The following EYS variants were observed in gnomAD, a reference collection of about 807,000 sequenced individuals.
The protein encoded by EYS is protein eyes shut homolog.
A neutral mutation model predicts 282.1 loss-of-function variants in EYS; 250 were observed. The ratio of observed to expected loss-of-function variants is 0.89; its 90% CI spans 0.80 to 0.98. The LOEUF is 0.98. Among genes scored for constraint, EYS ranks in the 50% least tolerant of loss-of-function variants. The pLI is 0.00. For synonymous variants in EYS, 1,355 were observed against 1,282.9 expected (o/e 1.06, Z -1.20); for missense variants, 4,016 against 3,709.0 (o/e 1.08, Z -2.15).
intron 12 of EYS, among the ~76,000 whole-genome samples, chr6:65,283,267 G>GTA (rs1224857598): frequency 6.6e-6 from 1 of 151,554 alleles, no homozygotes; most frequent in Non-Finnish European, 1.5e-5. Context: ...GTCTCATTCT[G>GTA]TAATAATTTT....
intron 29 of EYS, among the ~76,000 whole-genome samples, chr6:64,311,874 C>T (rs547923328): frequency 2.4e-4 from 36 of 152,134 alleles, no homozygotes; most frequent in African/African-American, 7.5e-4. Context: ...TCTTCACAAC[C>T]GGCAGACCAG....
chr6:64,852,166 A>T (rs2150042462), intron 19 of EYS, among the ~76,000 whole-genome samples: 1 of 152,096 alleles, frequency 6.6e-6, no homozygotes, highest in South Asian at 2.1e-4. Context: ...CTGAGTGTCA[A>T]CTTGATTGGA....
At chr6:64,353,383 C>A (rs1346637860) in intron 29 of EYS, among the ~76,000 whole-genome samples, 1 of 151,530 alleles carries the variant, frequency 6.6e-6, no homozygotes, top group African/African-American at 2.4e-5. Flanking sequence ...AAATTTATTT[C>A]TCCATCATTA....
chr6:64,565,958 A>T, intron 26 of EYS, among the ~76,000 whole-genome samples: 1 of 142,232 alleles, frequency 7.0e-6, no homozygotes, highest in East Asian at 2.4e-4. Flanking sequence ...TACAAATTAA[A>T]AAAAAAAAAA....
At chr6:65,008,586 G>A (rs538020810) in intron 13 of EYS, among the ~76,000 whole-genome samples, 1 of 152,146 alleles carries the variant, frequency 6.6e-6, no homozygotes, top group Non-Finnish European at 1.5e-5. Context: ...AGTCTACAAA[G>A]ACACTTTAAA....
At chr6:64,891,734 C>T (rs543645547) in intron 18 of EYS, among the ~76,000 whole-genome samples, 29 of 152,130 alleles carry the variant, frequency 1.9e-4, no homozygotes, top group Non-Finnish European at 3.7e-4. Context: ...GTCAGTACTG[C>T]ATTTTATATT....
At chr6:64,662,509 G>A (rs963017480) in intron 22 of EYS, among the ~76,000 whole-genome samples, 6 of 151,986 alleles carry the variant, frequency 3.9e-5, no homozygotes, top group Non-Finnish European at 5.9e-5. Context: ...TTGTCCCGTG[G>A]GACAGCAAGC....
chr6:64,058,311 CAGTG>C (rs1771053938), intron 33 of EYS, among the ~76,000 whole-genome samples: 1 of 151,842 alleles, frequency 6.6e-6, no homozygotes, highest in African/African-American at 2.4e-5. Context: ...TGAGTGAACT[CAGTG>C]AGAATTATTC....
intron 22 of EYS, among the ~76,000 whole-genome samples, chr6:64,809,912 G>A (rs1764543299): frequency 1.3e-5 from 2 of 152,116 alleles, no homozygotes; most frequent in South Asian, 4.1e-4. Context: ...CCAAGCCTCA[G>A]CATCAAGTAA....
chr6:63,993,628 T>G (rs533608918), intron 34 of EYS, among the ~76,000 whole-genome samples: 2 of 151,754 alleles, frequency 1.3e-5, no homozygotes, highest in African/African-American at 4.8e-5. Context: ...AACATGTAAC[T>G]TAAAACTACA....
chr6:65,386,254 G>T (rs1207492940), intron 7 of EYS, among the ~76,000 whole-genome samples: 2 of 151,604 alleles, frequency 1.3e-5, no homozygotes, highest in African/African-American at 4.8e-5. Flanking sequence ...AATACTATCT[G>T]CAATGTGTGG....
chr6:65,200,614 G>A (rs1026104932), intron 12 of EYS, among the ~76,000 whole-genome samples: 1 of 151,502 alleles, frequency 6.6e-6, no homozygotes, highest in Admixed American at 6.6e-5. Context: ...TTGACACGAA[G>A]TACAGTTATT....
intron 21 of EYS, among the ~76,000 whole-genome samples, chr6:64,819,770 A>C (rs1444269848): frequency 6.6e-6 from 1 of 152,034 alleles, no homozygotes; most frequent in Non-Finnish European, 1.5e-5. Context: ...AGCTGTATAA[A>C]GTAAGAGTGT....
chr6:64,736,551 G>A (rs1772188465), intron 22 of EYS, among the ~76,000 whole-genome samples: 1 of 152,126 alleles, frequency 6.6e-6, no homozygotes, highest in Admixed American at 6.6e-5. Flanking sequence ...GGTTACAAAA[G>A]CTTCCCCAAA....
chr6:64,529,321 G>T (rs1189192273), intron 26 of EYS, among the ~76,000 whole-genome samples: 1 of 151,992 alleles, frequency 6.6e-6, no homozygotes, highest in Non-Finnish European at 1.5e-5. Context: ...TTGAATGTCT[G>T]TGTATTATGA....
chr6:63,788,457 C>T lies in EYS; in HGVS notation c.7579-208G>A, dbSNP rs561732109. ...TATTAATATAGCAGTCATGGTTTTG[C>T]ATTTCAATCAAAATCAAAGTTCTTC... is the stretch of plus-strand genomic sequence containing the variant. On this transcript the variant is annotated intron_variant, in intron 38 of 42. Transcript: ENST00000503581. 3.2e-4 allele frequency among the ~76,000 whole-genome samples: 49 copies of T among 152,276 alleles called. No homozygotes were observed. In the South Asian group the frequency reaches 9.9e-3, roughly 31 times the overall value.
intron 35 of EYS, among the ~76,000 whole-genome samples, chr6:63,868,431 T>G (rs1772720417): frequency 6.6e-6 from 1 of 152,138 alleles, no homozygotes; most frequent in African/African-American, 2.4e-5. Context: ...AAAGGACTCC[T>G]GCATGTATTA....
intron 13 of EYS, among the ~76,000 whole-genome samples, chr6:64,998,477 T>C (rs1027995772): frequency 6.6e-6 from 1 of 152,230 alleles, no homozygotes; most frequent in Non-Finnish European, 1.5e-5. Context: ...AACAGCATTT[T>C]TAATGCACTG....
intron 19 of EYS, among the ~76,000 whole-genome samples, chr6:64,879,761 G>T (rs1054235655): frequency 6.6e-6 from 1 of 152,060 alleles, no homozygotes; most frequent in African/African-American, 2.4e-5. Flanking sequence ...ATATAACTAT[G>T]TGGGGAGGAA....
Sources: gnomAD v4.1 joint callset for allele counts (sites outside exome capture counted in the v4.1 genomes callset) on GRCh38, gnomAD v4.1.1 for gene constraint, MANE v1.5 for transcripts, NCBI Gene and HGNC (gene_info 2026-07-23, HGNC 2026-07-21) for gene names.